IRF5: variants seen among roughly 807,000 people sequenced by gnomAD.
The protein encoded by IRF5 is interferon regulatory factor 5.
Under a neutral mutation model 55.1 loss-of-function variants are expected in IRF5, and 24 were observed. The observed-to-expected ratio is 0.44, with a 90% CI of 0.32 to 0.61. The LOEUF (loss-of-function observed/expected upper bound fraction) is 0.61. Among genes scored for constraint, IRF5 ranks in the 20% least tolerant of loss-of-function variants. The probability of loss-of-function intolerance (pLI) is 0.07; values close to 1 mark genes in which losing one functional copy is unlikely to be tolerated. For missense variants in IRF5, 499 were observed against 658.5 expected (o/e 0.76, Z 2.65); for synonymous variants, 258 against 260.2 (o/e 0.99, Z 0.08).
At position 128,947,353 on chromosome 7, in the gene IRF5, C is replaced by T. The variant is rs367880963; in HGVS notation, c.605C>T (p.Pro202Leu). 3.2e-5 allele frequency: 51 copies of T among 1,606,410 alleles called. No homozygotes were observed. The highest frequency in any genetic ancestry group is 1.8e-4 in the African/African-American group (13 of 74,260). The part of the protein sequence containing the change: ...PPTLQPPTLQ[P>L]PVVLGPPAPD... ...ACTCTGCAGCCGCCCACTCTGCAGC[C>T]GCCCGTGGTGCTGGGTCCCCCTGCT... Residue 202 changes from proline (P) to leucine (L), a missense_variant, in exon 6 of 9, where the codon CCG (proline) becomes CTG (leucine). Around this residue, in one of 2 missense-constraint regions of IRF5, gnomAD observed 305 missense variants for 340.2 expected, o/e 0.90. Transcript: ENST00000357234. This position sits in a 1 kb window ranked among gnomAD's most constrained non-coding sequence, Gnocchi z 6.5.
Position 128,949,183 on chromosome 7 carries a change from C to T in IRF5, c.*365C>T, listed in dbSNP as rs1796495892. Reference sequence around the variant, plus strand: ...CCAGAGTGTTGTGGGCCAAGTCCCCCCACAGGGCCTCTGCAGGGCATGGCC... The same window carrying T: ...CCAGAGTGTTGTGGGCCAAGTCCCCTCACAGGGCCTCTGCAGGGCATGGCC... On this transcript the variant is annotated 3_prime_UTR_variant, in exon 9 of 9. Coordinates refer to ENST00000357234, the MANE Select transcript of IRF5 (RefSeq NM_001098629.3). The T allele has an allele frequency of 4.2e-6, 1 of 235,824 alleles. No individual in the cohort carries two copies. 14.6% of individuals were successfully genotyped at this position (235,824 alleles called of 1,614,324 possible).
chr7:128,938,295 G>C (rs1055385812), intron 1 of IRF5: 1 of 152,312 alleles, frequency 6.6e-6, no homozygotes, highest in Non-Finnish European at 1.5e-5. Context: ...CTTCCAAAGC[G>C]CCTCCCACGC....
rs1251507798 is a variant in IRF5 at position 128,937,995 on chromosome 7, T to C, written c.-66T>C. Reference sequence around the variant, plus strand: ...GCAGCCTGGGCAGAGCTCAGCTTGGTCCCGCCGCCCGGCCGGTGCTCCCTG... The same window carrying C: ...GCAGCCTGGGCAGAGCTCAGCTTGGCCCCGCCGCCCGGCCGGTGCTCCCTG... On this transcript the variant is annotated 5_prime_UTR_variant, in exon 1 of 9. Coordinates refer to ENST00000357234, the MANE Select transcript of IRF5 (RefSeq NM_001098629.3). The C allele has an allele frequency of 6.6e-6, 1 of 151,936 alleles. No individual in the cohort carries two copies. The highest frequency in any genetic ancestry group is 1.5e-5 in the Non-Finnish European group (1 of 67,954). The allele number at this position is 151,936 out of a possible 1,614,324, so 9.4% of individuals were successfully genotyped here.
chr7:128,937,156 G>C (rs78462439), upstream of IRF5, among the ~76,000 whole-genome samples: 1,462 of 152,310 alleles, frequency 9.6e-3, 14 homozygotes, highest in African/African-American at 0.034. Context: ...ACCTGGGAGG[G>C]GAAGTCAAGG....
Position 128,947,496 on chromosome 7 carries a change from C to A in IRF5, c.748C>A (p.Leu250Ile). ...CAGCCTGCCCCCTGCAGGCGAACAG[C>A]TCCTGCCAGACCTGCTGATCAGCCC... ...PASLPPAGEQ[L>I]LPDLLISPHM... Residue 250 changes from leucine (L) to isoleucine (I), a missense_variant, in exon 6 of 9, where the codon CTC becomes ATC. Physicochemically the swap from Leu to Ile is conservative, Grantham distance 5. Coordinates refer to ENST00000357234, the MANE Select transcript of IRF5 (RefSeq NM_001098629.3). The surrounding 1 kb of genome is among the most constrained non-coding windows in gnomAD (Gnocchi z 6.5). The A allele has an allele frequency of 6.3e-7, 1 of 1,597,300 alleles. No homozygotes were observed. Among genetic ancestry groups the A allele is most frequent in the Non-Finnish European group, 8.5e-7 (1 of 1,174,162 alleles).
intron 1 of IRF5, among the ~76,000 whole-genome samples, chr7:128,938,403 C>T (rs1795848892): frequency 6.6e-6 from 1 of 152,218 alleles, no homozygotes; most frequent in East Asian, 1.9e-4. Context: ...GCTCTCCCTC[C>T]CCCTCGCCAT....
In IRF5 at chr7:128,948,374, G is replaced by C. The variant is rs1199727611; in HGVS notation, c.1299+46G>C. Reference sequence around the variant, plus strand: ...AGTCGGCCTTGGCTTGAAAACTGGGGAATCCTGGGGCTAGGCCCTTGCCCC... The same window carrying C: ...AGTCGGCCTTGGCTTGAAAACTGGGCAATCCTGGGGCTAGGCCCTTGCCCC... On this transcript the variant is annotated intron_variant, in intron 8 of 8. Coordinates refer to ENST00000357234, the MANE Select transcript of IRF5 (RefSeq NM_001098629.3). The surrounding 1 kb of genome is among the most constrained non-coding windows in gnomAD (Gnocchi z 4.6). 2 of 1,517,784 alleles carry C rather than the reference G, an allele frequency of 1.3e-6. No individual in the cohort carries two copies. The highest frequency in any genetic ancestry group is 8.9e-7 in the Non-Finnish European group (1 of 1,122,570). The allele number at this position is 1,517,784 out of a possible 1,614,324, so 94.0% of individuals were successfully genotyped here. A position where few individuals can be genotyped will look rare whatever the true frequency, so the allele number is the denominator to read the frequency against.
rs778547518 is a variant in IRF5, at chr7:128,947,723, C to T, written c.788-6C>T. 2 of 1,597,046 alleles carry T rather than the reference C, an allele frequency of 1.3e-6. No homozygotes were observed. Among genetic ancestry groups the T allele is most frequent in the Non-Finnish European group, 1.7e-6 (2 of 1,174,824 alleles). ...GGACGGGATGGGCCTGCCTTCTGCC[C>T]CACAGTGACCGACCTGGAGATCAAG... On this transcript the variant is annotated splice_polypyrimidine_tract_variant and splice_region_variant and intron_variant, in intron 6 of 8. Transcript: ENST00000357234. This position sits in a 1 kb window ranked among gnomAD's most constrained non-coding sequence, Gnocchi z 6.5.
In IRF5 at chr7:128,948,195, T is replaced by C. The variant is rs1343874333; in HGVS notation, c.1181-15T>C. The C allele has an allele frequency of 1.2e-6, 2 of 1,611,876 alleles. No homozygotes were observed. Among genetic ancestry groups the C allele is most frequent in the Non-Finnish European group, 1.7e-6 (2 of 1,178,818 alleles). On this transcript the variant is annotated splice_polypyrimidine_tract_variant and intron_variant, in intron 7 of 8. Coordinates refer to ENST00000357234, the MANE Select transcript of IRF5 (RefSeq NM_001098629.3). This position sits in a 1 kb window ranked among gnomAD's most constrained non-coding sequence, Gnocchi z 4.6. Reference sequence around the variant, plus strand: ...TGGTTCCAGCCTCTGACTAGGGACCTTGATTTTGATGCAGAGCTCATCCTG... The same window carrying C: ...TGGTTCCAGCCTCTGACTAGGGACCCTGATTTTGATGCAGAGCTCATCCTG...
chr7:128,937,336 C>T (rs1795808981), upstream of IRF5, among the ~76,000 whole-genome samples: 1 of 152,138 alleles, frequency 6.6e-6, no homozygotes, highest in Non-Finnish European at 1.5e-5. Context: ...CACAGGTCGA[C>T]GGTCAAGGTA....
Position 128,946,490 on chromosome 7 carries a change from C to G in IRF5, c.386-11C>G. ...CCTTTACTGCCCTGCTTTTCTCTCC[C>G]TGCTGTGCAGACTCCCAGCCCCCTG... On this transcript the variant is annotated splice_polypyrimidine_tract_variant and intron_variant, in intron 3 of 8. Coordinates refer to ENST00000357234, the MANE Select transcript of IRF5 (RefSeq NM_001098629.3). This position sits in a 1 kb window ranked among gnomAD's most constrained non-coding sequence, Gnocchi z 4.2. The G allele has an allele frequency of 6.2e-7, 1 of 1,601,730 alleles. No individual in the cohort carries two copies. The highest frequency in any genetic ancestry group is 1.1e-5 in the South Asian group (1 of 88,406).
Position 128,945,876 on chromosome 7 carries a change from A to G in IRF5, c.227A>G (p.Glu76Gly). 1 of 1,612,830 alleles carries G rather than the reference A, an allele frequency of 6.2e-7. No homozygotes were observed. The highest frequency in any genetic ancestry group is 8.5e-7 in the Non-Finnish European group (1 of 1,179,658). Reference sequence around the variant, plus strand: ...GCCAAGGAGACAGGGAAATACACCGAAGGCGTGGATGAAGCCGATCCGGCC... The same window carrying G: ...GCCAAGGAGACAGGGAAATACACCGGAGGCGTGGATGAAGCCGATCCGGCC... The part of the protein sequence containing the change: ...AWAKETGKYT[E>G]GVDEADPAKW... Residue 76 changes from glutamate to glycine, a missense_variant, in exon 3 of 9, where the codon GAA becomes GGA. By Grantham distance (98) the Glu-to-Gly change is moderately conservative. This residue lies in a region of IRF5 where 305 missense variants were observed against 340.2 expected (regional missense o/e 0.90). Transcript: ENST00000357234.
rs1217051848 is a variant in IRF5 at position 128,947,575 on chromosome 7, G to C, written c.787+40G>C. 1.3e-6 allele frequency: 2 copies of C among 1,527,912 alleles called. No individual in the cohort carries two copies. Among genetic ancestry groups the C allele is most frequent in the Non-Finnish European group, 8.7e-7 (1 of 1,146,388 alleles). 94.6% of individuals were successfully genotyped at this position (1,527,912 alleles called of 1,614,324 possible). On this transcript the variant is annotated intron_variant, in intron 6 of 8. Coordinates refer to ENST00000357234, the MANE Select transcript of IRF5 (RefSeq NM_001098629.3). This position sits in a 1 kb window ranked among gnomAD's most constrained non-coding sequence, Gnocchi z 6.5. ...CTGGGCACGGGGAAGCAGTGCTGGG[G>C]GATTGGGGTAGGATTGGCAAGGAGG...
intron 2 of IRF5, among the ~76,000 whole-genome samples, chr7:128,944,577 C>G (rs949809405): frequency 6.6e-6 from 1 of 152,134 alleles, no homozygotes; most frequent in African/African-American, 2.4e-5. Context: ...TCATCACCAC[C>G]CACTCCCCTC....
At chr7:128,945,420 G>A (rs1796245046) in intron 2 of IRF5, among the ~76,000 whole-genome samples, 2 of 152,182 alleles carry the variant, frequency 1.3e-5, no homozygotes, top group Admixed American at 6.5e-5. Flanking sequence ...TCAACCCCTT[G>A]AGTCTTCGCT....
Position 128,946,360 on chromosome 7 carries a change from C to A in IRF5, c.386-141C>A. The stretch of plus-strand genomic sequence containing the variant: ...GTCTTTCCCAATCCTGGTGGCTGTG[C>A]CCTCCACCTCGCCCTGTGTTGGGGG... On this transcript the variant is annotated intron_variant, in intron 3 of 8. Transcript: ENST00000357234. This position sits in a 1 kb window ranked among gnomAD's most constrained non-coding sequence, Gnocchi z 4.2. The A allele has an allele frequency of 9.9e-7, 1 of 1,007,854 alleles. No homozygotes were observed. Among genetic ancestry groups the A allele is most frequent in the Non-Finnish European group, 1.5e-6 (1 of 688,116 alleles). The allele number at this position is 1,007,854 out of a possible 1,614,324, so 62.4% of individuals were successfully genotyped here.
Position 128,947,733 on chromosome 7 carries a change from CG to C in IRF5, c.793del (p.Asp265ThrfsTer44). ...GGCCTGCCTTCTGCCCCACAGTGAC[CG>C]ACCTGGAGATCAAGTTTCAGTACCG... is the stretch of plus-strand genomic sequence containing the variant. ...LISPHMLPLT[D>X]LEIKFQYRGR... On this transcript the variant is annotated frameshift_variant, in exon 7 of 9. Coordinates refer to ENST00000357234, the MANE Select transcript of IRF5 (RefSeq NM_001098629.3). LOFTEE classifies it high-confidence loss of function. This position sits in a 1 kb window ranked among gnomAD's most constrained non-coding sequence, Gnocchi z 6.5. 6.2e-7 allele frequency: 1 copy of C among 1,602,924 alleles called. No individual in the cohort carries two copies. Among genetic ancestry groups the C allele is most frequent in the Non-Finnish European group, 8.5e-7 (1 of 1,176,898 alleles).
chr7:128,946,365 C>A lies in IRF5; in HGVS notation c.386-136C>A. 9.4e-7 allele frequency: 1 copy of A among 1,068,536 alleles called. No individual in the cohort carries two copies. The highest frequency in any genetic ancestry group is 1.3e-6 in the Non-Finnish European group (1 of 741,342). The allele number at this position is 1,068,536 out of a possible 1,614,324, so 66.2% of individuals were successfully genotyped here. On this transcript the variant is annotated intron_variant, in intron 3 of 8. Coordinates refer to ENST00000357234, the MANE Select transcript of IRF5 (RefSeq NM_001098629.3). This position sits in a 1 kb window ranked among gnomAD's most constrained non-coding sequence, Gnocchi z 4.2. ...TCCCAATCCTGGTGGCTGTGCCCTC[C>A]ACCTCGCCCTGTGTTGGGGGCAGCT...
At chr7:128,943,148 C>A in intron 2 of IRF5, 1 of 229,344 alleles carries the variant, frequency 4.4e-6, no homozygotes, top group Non-Finnish European at 8.9e-6. Context: ...AGTCTCCCAT[C>A]TCAACCTCCT....
Sources: allele counts gnomAD v4.1 joint callset (sites outside exome capture counted in the v4.1 genomes callset), GRCh38; gene constraint gnomAD v4.1.1; regional missense constraint gnomAD v4.1.1; non-coding constraint Gnocchi (gnomAD v3.1); transcripts MANE v1.5; gene names NCBI Gene and HGNC (gene_info 2026-07-23, HGNC 2026-07-21).